ARHGAP22: variants seen among roughly 807,000 people sequenced by gnomAD.
The protein encoded by ARHGAP22 is Rho GTPase activating protein 22, also known as rho GTPase-activating protein 22.
Under a neutral mutation model 59.1 loss-of-function variants are expected in ARHGAP22, and 48 were observed. The ratio of observed to expected loss-of-function variants is 0.81; its 90% CI spans 0.64 to 1.03. ARHGAP22 has a LOEUF of 1.03. ARHGAP22 is among the 50% of genes least tolerant of loss of function. The pLI is 0.00. For synonymous variants in ARHGAP22, 445 were observed against 416.4 expected (o/e 1.07, Z -0.84); for missense variants, 1,015 against 958.7 (o/e 1.06, Z -0.78).
intron 3 of ARHGAP22, among the ~76,000 whole-genome samples, chr10:48,486,878 G>C (rs1167650352): frequency 6.6e-6 from 1 of 152,102 alleles, no homozygotes; most frequent in Non-Finnish European, 1.5e-5. Context: ...CTTCAAGGTT[G>C]GAAATGTTTT....
chr10:48,641,580 T>G (rs1348352620), intron 1 of ARHGAP22, among the ~76,000 whole-genome samples: 1 of 152,182 alleles, frequency 6.6e-6, no homozygotes, highest in African/African-American at 2.4e-5. Flanking sequence ...AATTAAGTAT[T>G]GATGGGACGT....
At chr10:48,615,823 T>C (rs1053977686) in intron 1 of ARHGAP22, among the ~76,000 whole-genome samples, 1 of 151,850 alleles carries the variant, frequency 6.6e-6, no homozygotes, top group African/African-American at 2.4e-5. Flanking sequence ...AATAGAAATT[T>C]AAGAGTTGGG....
chr10:48,460,344 G>T (rs1166240580), intron 4 of ARHGAP22, among the ~76,000 whole-genome samples: 2 of 152,204 alleles, frequency 1.3e-5, no homozygotes, highest in Non-Finnish European at 2.9e-5. Context: ...CACTGGACAA[G>T]ACAGATGACA....
At chr10:48,584,532 C>A (rs1014054395) in intron 1 of ARHGAP22, among the ~76,000 whole-genome samples, 1 of 152,188 alleles carries the variant, frequency 6.6e-6, no homozygotes, top group Non-Finnish European at 1.5e-5. Flanking sequence ...CCACTCTGGA[C>A]TGAAGGGTGG....
intron 2 of ARHGAP22, among the ~76,000 whole-genome samples, chr10:48,580,861 C>T (rs560455363): frequency 1.9e-4 from 23 of 119,972 alleles, no homozygotes; most frequent in Middle Eastern, 3.8e-3. Flanking sequence ...GTATGTTATA[C>T]AATTTAACCC....
At chr10:48,543,979 C>A (rs2135156512) in intron 3 of ARHGAP22, among the ~76,000 whole-genome samples, 1 of 152,180 alleles carries the variant, frequency 6.6e-6, no homozygotes, top group South Asian at 2.1e-4. Flanking sequence ...AAGAAATTAG[C>A]CGGACATGGT....
intron 1 of ARHGAP22, among the ~76,000 whole-genome samples, chr10:48,650,510 G>A (rs2062516817): frequency 1.3e-5 from 2 of 152,176 alleles, no homozygotes; most frequent in Non-Finnish European, 1.5e-5. Context: ...ACAACATCAT[G>A]AATGTATGAA....
In ARHGAP22 at chr10:48,575,312, A is replaced by T. The variant is rs567818428; in HGVS notation, c.234+7641T>A. 19 of 152,348 alleles carry T rather than the reference A, an allele frequency of 1.2e-4. No homozygotes were observed. The Middle Eastern group carries it at 0.01, about 82-fold the overall frequency. The allele number at this position is 152,348 out of a possible 1,614,324, so 9.4% of individuals were successfully genotyped here. ...TTTCTTTATAGCAATGGGAGAATGG[A>T]GTAACAGAGTTCATGAAAGCAACAT... On this transcript the variant is annotated intron_variant, in intron 2 of 9. Transcript: ENST00000249601.
At chr10:48,562,084 G>A (rs1000490966) in intron 2 of ARHGAP22, among the ~76,000 whole-genome samples, 16 of 152,124 alleles carry the variant, frequency 1.1e-4, no homozygotes, top group African/African-American at 3.4e-4. Flanking sequence ...AAATTTGCGG[G>A]GTGTGTTGGC....
intron 2 of ARHGAP22, among the ~76,000 whole-genome samples, chr10:48,563,147 T>G (rs1266889262): frequency 6.6e-6 from 1 of 151,524 alleles, no homozygotes; most frequent in East Asian, 1.9e-4. Flanking sequence ...TATAAAGAAC[T>G]CTTATGATTA....
At chr10:48,501,468 G>A (rs2051515641) in intron 3 of ARHGAP22, among the ~76,000 whole-genome samples, 2 of 152,270 alleles carry the variant, frequency 1.3e-5, no homozygotes, top group African/African-American at 4.8e-5. Flanking sequence ...CATCTCAAGG[G>A]AGGGGTTGCA....
At chr10:48,466,423 C>T (rs566014686) in intron 4 of ARHGAP22, among the ~76,000 whole-genome samples, 48 of 152,052 alleles carry the variant, frequency 3.2e-4, no homozygotes, top group African/African-American at 1.1e-3. Flanking sequence ...CGCGGTGACA[C>T]CCAAACTCCC....
At position 48,533,709 on chromosome 10, in the gene ARHGAP22, A is replaced by C. The variant is rs7908368; in HGVS notation, c.322+21754T>G. On this transcript the variant is annotated intron_variant, in intron 3 of 9. Coordinates refer to ENST00000249601, the MANE Select transcript of ARHGAP22 (RefSeq NM_021226.4). ...TGAAATCAACCATCGACACTACGTA[A>C]ATGAATGAGTGTGGTTGTGTTCCAA... Among the ~76,000 whole-genome samples, 448 of 152,390 alleles carry C rather than the reference A, an allele frequency of 2.9e-3. 1 individual carries two copies. The highest frequency in any genetic ancestry group is 9.5e-3 in the African/African-American group (394 of 41,600).
chr10:48,632,066 T>C (rs2061647227), intron 1 of ARHGAP22, among the ~76,000 whole-genome samples: 1 of 152,222 alleles, frequency 6.6e-6, no homozygotes, highest in Non-Finnish European at 1.5e-5. Flanking sequence ...AGTGCACCTG[T>C]CACTCGAGCA....
intron 1 of ARHGAP22, among the ~76,000 whole-genome samples, chr10:48,634,976 C>G (rs78047163): frequency 0.039 from 5,913 of 152,204 alleles, 163 homozygotes; most frequent in Non-Finnish European, 0.059. Flanking sequence ...AGCTTGCTAA[C>G]ACATTGATCT....
In ARHGAP22 at chr10:48,559,103, G is replaced by A. The variant is rs775861362; in HGVS notation, c.235-3553C>T. Among the ~76,000 whole-genome samples, 6 of 152,320 alleles carry A rather than the reference G, an allele frequency of 3.9e-5. No homozygotes were observed. The East Asian group carries it at 9.6e-4, about 24-fold the overall frequency. ...ACTATGAGGGTCCTGGGAATTCTTT[G>A]AGGAGCGCAAAGTGAGTGTCAGCAC... On this transcript the variant is annotated intron_variant, in intron 2 of 9. Coordinates refer to ENST00000249601, the MANE Select transcript of ARHGAP22 (RefSeq NM_021226.4).
chr10:48,611,924 G>A (rs1019810905), intron 1 of ARHGAP22, among the ~76,000 whole-genome samples: 2 of 134,030 alleles, frequency 1.5e-5, no homozygotes, highest in African/African-American at 2.7e-5. Flanking sequence ...CTGGGTCCAT[G>A]CAATTGTTCT....
chr10:48,643,401 A>G (rs2062140341), intron 1 of ARHGAP22, among the ~76,000 whole-genome samples: 2 of 152,150 alleles, frequency 1.3e-5, no homozygotes, highest in African/African-American at 4.8e-5. Flanking sequence ...GGCATGTATA[A>G]ACCATGGAAT....
At chr10:48,641,023 A>C (rs2062022480) in intron 1 of ARHGAP22, among the ~76,000 whole-genome samples, 1 of 152,208 alleles carries the variant, frequency 6.6e-6, no homozygotes, top group Admixed American at 6.5e-5. Flanking sequence ...TGTGCATTTT[A>C]CTGGAATTAT....
Sources: gnomAD v4.1 joint callset for allele counts (sites outside exome capture counted in the v4.1 genomes callset) on GRCh38, gnomAD v4.1.1 for gene constraint, MANE v1.5 for transcripts, NCBI Gene and HGNC (gene_info 2026-07-23, HGNC 2026-07-21) for gene names.